ZNF469: variants seen among roughly 807,000 people sequenced by gnomAD.
ZNF469 encodes the protein zinc finger protein 469.
Under a neutral mutation model 1.0 loss-of-function variants are expected in ZNF469, and 1 was observed. The observed-to-expected ratio is 1.00, with a 90% confidence interval of 0.35 to 4.73. The LOEUF is 4.73. Among genes scored for constraint, ZNF469 ranks in the 30% most tolerant of loss-of-function variants. The pLI is 0.16. For missense variants in ZNF469, 6,100 were observed against 5,356.3 expected (o/e 1.14, Z -4.33); for synonymous variants, 2,703 against 2,363.4 (o/e 1.14, Z -4.17).
the ZNF469 span, among the ~76,000 whole-genome samples, chr16:88,239,307 C>G: frequency 6.6e-6 from 1 of 152,044 alleles, no homozygotes; most frequent in Non-Finnish European, 1.5e-5. Flanking sequence ...ATTATTTCCC[C>G]TTTATGTGGT....
the ZNF469 span, among the ~76,000 whole-genome samples, chr16:88,104,049 T>C: frequency 2.6e-5 from 4 of 152,072 alleles, no homozygotes; most frequent in Admixed American, 2.6e-4. Flanking sequence ...CCCAGGTGGT[T>C]CGTAGGGTGC....
chr16:88,324,998 A>G, the ZNF469 span, among the ~76,000 whole-genome samples: 1 of 152,208 alleles, frequency 6.6e-6, no homozygotes, highest in South Asian at 2.1e-4. Context: ...AGGGGGATCC[A>G]GCACTTCAGC....
chr16:88,337,740 C>T, the ZNF469 span, among the ~76,000 whole-genome samples: 11 of 152,178 alleles, frequency 7.2e-5, no homozygotes, highest in Non-Finnish European at 1.0e-4. Flanking sequence ...GCAGCTGTGA[C>T]GCACGTTTCC....
the ZNF469 span, among the ~76,000 whole-genome samples, chr16:88,148,367 C>T: frequency 6.6e-6 from 1 of 152,198 alleles, no homozygotes; most frequent in Non-Finnish European, 1.5e-5. Flanking sequence ...TGCCCTGCTC[C>T]ATGCCGGACA....
the ZNF469 span, among the ~76,000 whole-genome samples, chr16:88,146,888 G>A: frequency 2.0e-5 from 3 of 152,024 alleles, no homozygotes; most frequent in African/African-American, 7.3e-5. Context: ...GAGCACGCTG[G>A]AAGAGAGGGC....
chr16:88,115,321 A>G, the ZNF469 span, among the ~76,000 whole-genome samples: 1 of 152,044 alleles, frequency 6.6e-6, no homozygotes, highest in Non-Finnish European at 1.5e-5. Flanking sequence ...AATCAGAAAA[A>G]CACATTATAA....
chr16:88,422,777 T>C (rs1039437736), intron 1 of ZNF469, among the ~76,000 whole-genome samples: 51 of 127,186 alleles, frequency 4.0e-4, no homozygotes, highest in Non-Finnish European at 7.6e-4. Context: ...GATGGATGGA[T>C]GGTTGGATGG....
chr16:88,184,918 AG>A, the ZNF469 span, among the ~76,000 whole-genome samples: 8 of 152,176 alleles, frequency 5.3e-5, no homozygotes, highest in African/African-American at 1.9e-4. Context: ...CTCACACAAT[AG>A]GCTGTTATGC....
At position 88,398,304 on chromosome 16, in the gene ZNF469, G is replaced by A. The variant is rs145305897; in HGVS notation, c.-192+15050G>A. Among the ~76,000 whole-genome samples the A allele has an allele frequency of 2.0e-4, 31 of 152,266 alleles. No individual in the cohort carries two copies. The East Asian group carries it at 3.9e-3, about 19-fold the overall frequency. Reference sequence around the variant, plus strand: ...ACGTGAACCACAGATGAAGGGCGACGTGAGTCACAGATGAAGGGCCACGTG... The same window carrying A: ...ACGTGAACCACAGATGAAGGGCGACATGAGTCACAGATGAAGGGCCACGTG... On this transcript the variant is annotated intron_variant, in intron 1 of 2. Transcript: ENST00000565624.
At chr16:88,126,185 T>TC in the ZNF469 span, among the ~76,000 whole-genome samples, 1 of 66,238 alleles carries the variant, frequency 1.5e-5, no homozygotes, top group African/African-American at 7.4e-5. Context: ...TGAGACTCCA[T>TC]CCCAAAAAAA....
chr16:88,228,808 G>A, the ZNF469 span, among the ~76,000 whole-genome samples: 1 of 152,186 alleles, frequency 6.6e-6, no homozygotes, highest in African/African-American at 2.4e-5. Flanking sequence ...AGGCCTGCCT[G>A]TGTCAGATGT....
chr16:88,332,933 A>AC, the ZNF469 span, among the ~76,000 whole-genome samples: 10 of 149,666 alleles, frequency 6.7e-5, no homozygotes, highest in East Asian at 2.0e-3. Flanking sequence ...TGACCTTCCC[A>AC]CCCCCCTGTC....
At chr16:88,193,214 TGGTGATGGTGGTGGTGGG>T in the ZNF469 span, among the ~76,000 whole-genome samples, 1 of 124,662 alleles carries the variant, frequency 8.0e-6, no homozygotes, top group Admixed American at 7.9e-5. Context: ...GTGGGGATGG[TGGTGATGGTGGTGGTGGG>T]GATGGTGGTG....
the ZNF469 span, among the ~76,000 whole-genome samples, chr16:88,251,298 C>A: frequency 1.9e-4 from 29 of 151,160 alleles, no homozygotes; most frequent in East Asian, 5.9e-4. Context: ...TTCTTGAGCA[C>A]GAGTCACACT....
At chr16:88,307,590 G>A in the ZNF469 span, among the ~76,000 whole-genome samples, 14 of 152,128 alleles carry the variant, frequency 9.2e-5, no homozygotes, top group Admixed American at 1.3e-4. Context: ...TTTCCCTGAC[G>A]GCTAATGATA....
chr16:88,437,803 C>T lies in ZNF469; in HGVS notation c.10333C>T (p.Arg3445Trp), dbSNP rs766994242. Residue 3445 changes from arginine to tryptophan, a missense_variant, in exon 3 of 3, where the codon CGG becomes TGG. Physicochemically the swap from Arg to Trp is moderately radical, Grantham distance 101 (BLOSUM62 -3). Transcript: ENST00000565624. The stretch of plus-strand genomic sequence containing the variant: ...CATGAACAAGCACCTCAGGGGGGGG[C>T]GGCAGCCCTTCGCGTTCCGCGGCGT... Reference protein sequence around the residue: ...RHMNKHLRGGRQPFAFRGVRR... With the variant: ...RHMNKHLRGGWQPFAFRGVRR... 2.6e-6 allele frequency: 4 copies of T among 1,544,776 alleles called. No homozygotes were observed. The highest frequency in any genetic ancestry group is 2.7e-5 in the African/African-American group (2 of 72,914).
the ZNF469 span, among the ~76,000 whole-genome samples, chr16:88,354,529 C>T: frequency 1.2e-4 from 19 of 152,284 alleles, no homozygotes; most frequent in African/African-American, 3.6e-4. Flanking sequence ...GACCGCACCC[C>T]GGTTTCCCAG....
the ZNF469 span, among the ~76,000 whole-genome samples, chr16:88,285,823 T>A: frequency 2.0e-5 from 3 of 152,198 alleles, no homozygotes; most frequent in African/African-American, 4.8e-5. Flanking sequence ...CTCGTCACAG[T>A]GCAGTGGTGG....
chr16:88,226,297 G>A, the ZNF469 span, among the ~76,000 whole-genome samples: 1 of 152,138 alleles, frequency 6.6e-6, no homozygotes, highest in Non-Finnish European at 1.5e-5. Context: ...GATGTGAGGA[G>A]GGTGAGGTGA....
Sources: allele counts gnomAD v4.1 joint callset (sites outside exome capture counted in the v4.1 genomes callset), GRCh38; gene constraint gnomAD v4.1.1; transcripts MANE v1.5; gene names NCBI Gene and HGNC (gene_info 2026-07-23, HGNC 2026-07-21).